The following SMTN variants were observed in gnomAD, a reference collection of about 807,000 sequenced individuals.
SMTN encodes the protein smoothelin.
SMTN carries 58 observed loss-of-function variants against 102.0 expected under a neutral mutation model. The ratio of observed to expected loss-of-function variants is 0.57; its 90% confidence interval spans 0.46 to 0.71. SMTN has a LOEUF of 0.71. Among genes scored for constraint, SMTN ranks in the 30% least tolerant of loss-of-function variants. The pLI, the probability that SMTN is intolerant of heterozygous loss-of-function variation, is 0.00. For missense variants in SMTN, 1,185 were observed against 1,241.7 expected, an observed-to-expected ratio of 0.95 and a Z score of 0.69; for synonymous variants, 478 against 497.9, an observed-to-expected ratio of 0.96 and a Z score of 0.53.
upstream of SMTN, among the ~76,000 whole-genome samples, chr22:31,076,346 C>T (rs199947570): frequency 1.4e-4 from 21 of 152,130 alleles, no homozygotes; most frequent in Non-Finnish European, 2.2e-4. Context: ...CCATCCACCC[C>T]GCTGTCTACA....
intron 13 of SMTN, chr22:31,096,102 TCTC>T (rs1464516936): frequency 5.6e-6 from 1 of 178,820 alleles, no homozygotes; most frequent in Non-Finnish European, 1.2e-5. Flanking sequence ...TTCAATTGCT[TCTC>T]CTCTCAAACA....
At chr22:31,100,850 T>TAACCC in intron 19 of SMTN, 35 bp from the exon 20 acceptor site, 1 of 636,326 alleles carries the variant, frequency 1.6e-6, no homozygotes, top group Non-Finnish European at 2.6e-6. Context: ...CCTGCCCCCG[T>TAACCC]CCCCCACCCC....
rs1199404443 is a variant in SMTN at position 31,088,030 on chromosome 22, G to A, written c.117G>A (p.Arg39=). The part of the protein sequence containing the change: ...RIRSAIRELQ[R]QELEREEEAL... ...GCTCAGCCATCCGGGAACTGCAGCG[G>A]CAGGAGCTGGAGCGCGAGGAGGAGG... The change falls in exon 3 of 21, where the codon CGG becomes CGA. Residue 39 remains arginine, a synonymous_variant. Coordinates refer to ENST00000333137, the MANE Select transcript of SMTN (RefSeq NM_134269.3). The A allele has an allele frequency of 3.1e-6, 5 of 1,611,910 alleles. No individual in the cohort carries two copies. In the African/African-American group the frequency reaches 6.7e-5, roughly 22 times the overall value.
rs147276282 is a variant in SMTN, at chr22:31,087,806, A to G, written c.52-159A>G. 31 of 668,818 alleles carry G rather than the reference A, an allele frequency of 4.6e-5. No individual in the cohort carries two copies. The African/African-American group carries it at 5.1e-4, about 11-fold the overall frequency. The allele number at this position is 668,818 out of a possible 1,614,324, so 41.4% of individuals were successfully genotyped here. On this transcript the variant is annotated intron_variant, in intron 2 of 20. Coordinates refer to ENST00000333137, the MANE Select transcript of SMTN (RefSeq NM_134269.3). ...ATCCCTGAAACAGTGGGCTGGGTCT[A>G]CCCCCGGGACCCTGCGTGGGCAGGC...
At chr22:31,079,227 C>T (rs1175954395), upstream of SMTN, among the ~76,000 whole-genome samples, 1 of 152,236 alleles carries the variant, frequency 6.6e-6, no homozygotes, top group Admixed American at 6.5e-5. Context: ...ACTTCCCTAG[C>T]ACTGTACCGG....
rs1325047082 is a variant in SMTN, at chr22:31,088,982, G to A, written c.471+13G>A. 1.9e-6 allele frequency: 3 copies of A among 1,606,592 alleles called. No individual in the cohort carries two copies. Among genetic ancestry groups the A allele is most frequent in the Middle Eastern group, 1.7e-4 (1 of 6,008 alleles). ...GGAACAGTGTGAGGTAAGGAGGGTG[G>A]GAGAGTGGCCCAGTGTCCTGTGCCC... is the stretch of plus-strand genomic sequence containing the variant. On this transcript the variant is annotated intron_variant, in intron 6 of 20. Coordinates refer to ENST00000333137, the MANE Select transcript of SMTN (RefSeq NM_134269.3).
chr22:31,096,726 T>C lies in SMTN; in HGVS notation c.1862-7T>C. On this transcript the variant is annotated splice_region_variant and splice_polypyrimidine_tract_variant and intron_variant, in intron 13 of 20. Transcript: ENST00000333137. The stretch of plus-strand genomic sequence containing the variant: ...TTTTGCGCATGCATGGGGCATCCCC[T>C]GCCCAGACCAGCGGGACAAGGAGCG... 1 of 1,539,742 alleles carries C rather than the reference T, an allele frequency of 6.5e-7. No individual in the cohort carries two copies. Among genetic ancestry groups the C allele is most frequent in the Middle Eastern group, 1.7e-4 (1 of 5,746 alleles).
intron 18 of SMTN, 35 bp from the exon 19 acceptor site, chr22:31,099,710 C>T: frequency 6.2e-7 from 1 of 1,605,630 alleles, no homozygotes; most frequent in East Asian, 2.2e-5. Context: ...GGGAGTTGCC[C>T]CCAGGTTCCT....
intron 1 of SMTN, 140 bp from the exon 2 acceptor site, chr22:31,083,039 A>C: frequency 7.1e-7 from 1 of 1,408,018 alleles, no homozygotes; most frequent in African/African-American, 1.4e-5. Context: ...GGCAGAGGGC[A>C]GCTTCCAGCC....
At chr22:31,065,800 C>G (rs2041835523) in intron 1 of SMTN, 1 of 150,472 alleles carries the variant, frequency 6.6e-6, no homozygotes. Context: ...ATGTGTAGAT[C>G]CATGACCTTG....
chr22:31,104,528 CCT>C lies in SMTN; in HGVS notation c.*234_*235del. ...CGCCCCCACTCTCCGGGCACCGTCTCCTGCCTGTGCGTCCGCCCACCGCTGCC... is the reference window on the plus strand; with the variant it reads ...CGCCCCCACTCTCCGGGCACCGTCTCGCCTGTGCGTCCGCCCACCGCTGCC... On this transcript the variant is annotated 3_prime_UTR_variant, in exon 21 of 21. Transcript: ENST00000333137. The C allele has an allele frequency of 6.4e-7, 1 of 1,565,596 alleles. No individual in the cohort carries two copies. The highest frequency in any genetic ancestry group is 1.3e-5 in the African/African-American group (1 of 74,340).
At chr22:31,064,285 G>A (rs2041790504) in intron 1 of SMTN, 1 of 152,166 alleles carries the variant, frequency 6.6e-6, no homozygotes, top group African/African-American at 2.4e-5. Context: ...AGGGGATGAA[G>A]ACACAATTTC....
chr22:31,100,393 C>A (rs2043978390), intron 19 of SMTN, among the ~76,000 whole-genome samples: 1 of 152,146 alleles, frequency 6.6e-6, no homozygotes, highest in Non-Finnish European at 1.5e-5. Context: ...ACCTCACCCT[C>A]AGCACCCTTC....
chr22:31,100,311 A>G (rs367832105), intron 19 of SMTN, among the ~76,000 whole-genome samples: 98 of 152,082 alleles, frequency 6.4e-4, no homozygotes, highest in East Asian at 3.7e-3. Flanking sequence ...CGCCCAGCCT[A>G]TATAGTGCTG....
At chr22:31,070,119 T>C (rs1289570342) in intron 1 of SMTN, among the ~76,000 whole-genome samples, 2 of 152,060 alleles carry the variant, frequency 1.3e-5, no homozygotes, top group Non-Finnish European at 2.9e-5. Flanking sequence ...CGTATGCAAA[T>C]CAGATCTGAT....
chr22:31,093,929 C>T (rs897191802), intron 11 of SMTN: 32 of 1,250,304 alleles, frequency 2.6e-5, no homozygotes, highest in Non-Finnish European at 3.3e-5. Flanking sequence ...GCTCTGCCTC[C>T]TCTTGACTTT....
In SMTN at chr22:31,104,505, C is replaced by G. The variant is rs879902860; in HGVS notation, c.*210C>G. On this transcript the variant is annotated 3_prime_UTR_variant, in exon 21 of 21. Transcript: ENST00000333137. ...ATGGCCAGCCAGTGGCAAGCTGCCG[C>G]CCCCACTCTCCGGGCACCGTCTCCT... 6.2e-7 allele frequency: 1 copy of G among 1,603,118 alleles called. No individual in the cohort carries two copies. The highest frequency in any genetic ancestry group is 2.2e-5 in the East Asian group (1 of 44,784).
chr22:31,086,188 A>G lies in SMTN; in HGVS notation c.52-1777A>G, dbSNP rs934119131. On this transcript the variant is annotated intron_variant, in intron 2 of 20. Transcript: ENST00000333137. ...TTAGGCCTCAGAGCATCTCTAGTCC[A>G]GGCTAGAGGGGTCTCCAACACAGTG... is the stretch of plus-strand genomic sequence containing the variant. 1.3e-4 allele frequency among the ~76,000 whole-genome samples: 20 copies of G among 152,172 alleles called. 1 individual carries two copies. Among genetic ancestry groups the G allele is most frequent in the Non-Finnish European group, 4.4e-5 (3 of 68,014 alleles).
At chr22:31,089,223 A>G (rs920661863) in intron 6 of SMTN, among the ~76,000 whole-genome samples, 2 of 152,140 alleles carry the variant, frequency 1.3e-5, no homozygotes, top group Non-Finnish European at 2.9e-5. Context: ...TGGGGCCTGC[A>G]TGTCAGACCC....
Sources: allele counts gnomAD v4.1 joint callset (sites outside exome capture counted in the v4.1 genomes callset), GRCh38; gene constraint gnomAD v4.1.1; transcripts MANE v1.5; gene names NCBI Gene and HGNC (gene_info 2026-07-23, HGNC 2026-07-21).